EPHA10: variants seen among roughly 807,000 people sequenced by gnomAD.
EPHA10 encodes ephrin type-A receptor 10.
A neutral mutation model predicts 109.7 loss-of-function variants in EPHA10; 120 were observed. That is an observed-to-expected ratio of 1.09 (90% CI 0.94 to 1.27). The LOEUF is 1.27. Ranked by LOEUF, EPHA10 falls within the 50% of genes most tolerant of loss-of-function variation. The pLI is 0.00. For synonymous variants in EPHA10, 640 were observed against 618.9 expected (o/e 1.03, Z -0.51); for missense variants, 1,396 against 1,411.1 (o/e 0.99, Z 0.17).
At chr1:37,751,242 G>GAA (rs34839037) in intron 5 of EPHA10, among the ~76,000 whole-genome samples, 51 of 124,248 alleles carry the variant, frequency 4.1e-4, no homozygotes, top group South Asian at 1.1e-3. Context: ...AAAAGAAAAA[G>GAA]AAAAAAAAAA....
At chr1:37,721,287 G>A (rs1645791478) in intron 11 of EPHA10, among the ~76,000 whole-genome samples, 1 of 151,236 alleles carries the variant, frequency 6.6e-6, no homozygotes, top group Non-Finnish European at 1.5e-5. Flanking sequence ...AATTAGCCGG[G>A]CCTGGTGGCA....
intron 3 of EPHA10, 156 bp downstream of exon 3, chr1:37,761,249 T>G: frequency 6.7e-7 from 1 of 1,501,984 alleles, no homozygotes; most frequent in Non-Finnish European, 8.8e-7. Context: ...CACTGGAAAC[T>G]CCACAAGACT....
chr1:37,721,798 GGCGACCGGGGAGCTGCAA>G lies in EPHA10; in HGVS notation c.1990_2007del (p.Leu664_Arg669del), dbSNP rs746836361. 59 of 1,609,478 alleles carry G rather than the reference GGCGACCGGGGAGCTGCAA, an allele frequency of 3.7e-5. No individual in the cohort carries two copies. The highest frequency in any genetic ancestry group is 4.2e-6 in the Non-Finnish European group (5 of 1,178,196). On this transcript the variant is annotated inframe_deletion, in exon 11 of 17. Coordinates refer to ENST00000373048, the MANE Select transcript of EPHA10 (RefSeq NM_001099439.2). ...ATATGCACGGCTACGAGCAGCTCCT[GGCGACCGGGGAGCTGCAA>G]GCAGCCACAGCACAGCTCCCCAAAC...
At chr1:37,750,740 T>C (rs1204482337) in intron 5 of EPHA10, among the ~76,000 whole-genome samples, 1 of 152,050 alleles carries the variant, frequency 6.6e-6, no homozygotes, top group Non-Finnish European at 1.5e-5. Context: ...TCACCATGCC[T>C]GGCTAATTTT....
At position 37,761,613 on chromosome 1, in the gene EPHA10, G is replaced by A; in HGVS notation, c.642C>T (p.Thr214=). Residue 214 remains threonine (T), a synonymous_variant, in exon 3 of 17, where the codon ACC becomes ACT. Transcript: ENST00000373048. ...CTGGGAACGTGGCCAGGCCCCGCAC[G>A]GTGGCGCGGCACTGCTTGTAGTAGA... ...VRVYYKQCRA[T]VRGLATFPAT... 6.2e-7 allele frequency: 1 copy of A among 1,603,240 alleles called. No homozygotes were observed. Among genetic ancestry groups the A allele is most frequent in the African/African-American group, 1.3e-5 (1 of 75,024 alleles).
chr1:37,753,335 G>C, intron 4 of EPHA10, 109 bp from the exon 5 acceptor site: 1 of 733,742 alleles, frequency 1.4e-6, no homozygotes, highest in South Asian at 5.3e-5. Flanking sequence ...TGAGGCAGGA[G>C]AAGCAGGGGC....
In EPHA10 at chr1:37,716,641, C is replaced by G; in HGVS notation, c.*1731G>C. 1 of 232,696 alleles carries G rather than the reference C, an allele frequency of 4.3e-6. No individual in the cohort carries two copies. The allele number at this position is 232,696 out of a possible 1,614,324, so 14.4% of individuals were successfully genotyped here. On this transcript the variant is annotated 3_prime_UTR_variant, in exon 17 of 17. Transcript: ENST00000373048. ...ACCTCTGTGAGTCACTGTCCCCCAC[C>G]TCTGGGTGCTCTGCAAAGAGGCACT...
At chr1:37,749,966 C>G (rs945806712) in intron 5 of EPHA10, among the ~76,000 whole-genome samples, 1 of 152,186 alleles carries the variant, frequency 6.6e-6, no homozygotes, top group Non-Finnish European at 1.5e-5. Context: ...TATAATCTTA[C>G]AGGATCACCA....
rs975717143 is a variant in EPHA10 at position 37,725,053 on chromosome 1, G to C, written c.1773-1681C>G. 3.3e-5 allele frequency among the ~76,000 whole-genome samples: 5 copies of C among 152,182 alleles called. 1 individual carries two copies. The highest frequency in any genetic ancestry group is 9.7e-5 in the African/African-American group (4 of 41,438). On this transcript the variant is annotated intron_variant, in intron 8 of 16. Transcript: ENST00000373048. The stretch of plus-strand genomic sequence containing the variant: ...GGAGGATCACCTCCTCTAGAGAAAA[G>C]GGGGTGAGGATGGGTGCAGAAGCAG...
Position 37,762,028 on chromosome 1 carries a change from A to G in EPHA10, c.227T>C (p.Val76Ala), listed in dbSNP as rs1646437737. 1.2e-6 allele frequency: 2 copies of G among 1,613,116 alleles called. No homozygotes were observed. The highest frequency in any genetic ancestry group is 2.7e-5 in the African/African-American group (2 of 74,922). The change falls in exon 3 of 17, where the codon GTG (valine) becomes GCG (alanine). Residue 76 changes from valine (V) to alanine (A), a missense_variant. Transcript: ENST00000373048. ...CTGGTTGGGCTCCAGCACATTGCAC[A>G]CTTGGTACGTGCGGATGGGACGGTC... The part of the protein sequence containing the change: ...EHDRPIRTYQ[V>A]CNVLEPNQDN...
intron 3 of EPHA10, chr1:37,761,204 A>G (rs2148370650): frequency 2.0e-6 from 3 of 1,476,292 alleles, no homozygotes; most frequent in East Asian, 2.4e-5. Context: ...AGTCAATTTC[A>G]TCTAGTAAGT....
intron 8 of EPHA10, among the ~76,000 whole-genome samples, chr1:37,725,542 G>T (rs572558221): frequency 4.2e-4 from 64 of 150,728 alleles, no homozygotes; most frequent in Middle Eastern, 7.0e-3. Flanking sequence ...AAGTAACGAG[G>T]TGAAGCATTC....
intron 5 of EPHA10, among the ~76,000 whole-genome samples, chr1:37,744,663 G>GC (rs1553138897): frequency 3.4e-5 from 5 of 147,200 alleles, no homozygotes; most frequent in Non-Finnish European, 7.5e-5. Context: ...CCATCTTGGG[G>GC]AAAAAAAAAA....
At chr1:37,746,841 A>G (rs139809249) in intron 5 of EPHA10, among the ~76,000 whole-genome samples, 33 of 152,350 alleles carry the variant, frequency 2.2e-4, no homozygotes, top group Non-Finnish European at 3.5e-4. Flanking sequence ...TGAAGCCATT[A>G]TGCTAAGTGA....
Position 37,762,767 on chromosome 1 carries a change from G to C in EPHA10, c.171+18C>G. ...ACCAGAGGATCCCTGGGACAGGGAG[G>C]GACACTTGTGCACTTACCCCATTAC... On this transcript the variant is annotated intron_variant, in intron 2 of 16. Transcript: ENST00000373048. 6.5e-7 allele frequency: 1 copy of C among 1,544,718 alleles called. No homozygotes were observed. The highest frequency in any genetic ancestry group is 8.7e-7 in the Non-Finnish European group (1 of 1,143,476).
intron 3 of EPHA10, chr1:37,760,391 C>T: frequency 9.5e-7 from 1 of 1,055,378 alleles, no homozygotes; most frequent in Non-Finnish European, 1.1e-6. Context: ...TCCTAATGCC[C>T]CCACTAGCCT....
chr1:37,718,734 G>A lies in EPHA10; in HGVS notation c.2839C>T (p.Leu947=), dbSNP rs202242878. 9 of 1,613,182 alleles carry A rather than the reference G, an allele frequency of 5.6e-6. No homozygotes were observed. Among genetic ancestry groups the A allele is most frequent in the Middle Eastern group, 1.7e-4 (1 of 5,972 alleles). ...GCGAAGCTGTCCTTGTAGCGGCACA[G>A]GTCCAGGGCCTCCAGCCACGCGCCC... The part of the protein sequence containing the change: ...SVGAWLEALD[L]CRYKDSFAAA... Residue 947 remains leucine, a synonymous_variant, in exon 16 of 17, where the codon CTG becomes TTG. Coordinates refer to ENST00000373048, the MANE Select transcript of EPHA10 (RefSeq NM_001099439.2).
Position 37,761,510 on chromosome 1 carries a change from C to G in EPHA10, c.745G>C (p.Gly249Arg). ...TCVAHSEGEP[G>R]SPPRMHCGAD... ...CCGCAGTGCATGCGTGGGGGGCTGCCAGGCTCCCCTTCCGAGTGCGCCACG... is the reference window on the plus strand; with the variant it reads ...CCGCAGTGCATGCGTGGGGGGCTGCGAGGCTCCCCTTCCGAGTGCGCCACG... Residue 249 changes from glycine to arginine, a missense_variant, in exon 3 of 17, where the codon GGC becomes CGC. Physicochemically the swap from Gly to Arg is moderately radical, Grantham distance 125. Coordinates refer to ENST00000373048, the MANE Select transcript of EPHA10 (RefSeq NM_001099439.2). The G allele has an allele frequency of 6.3e-7, 1 of 1,599,586 alleles. No homozygotes were observed. Among genetic ancestry groups the G allele is most frequent in the Non-Finnish European group, 8.5e-7 (1 of 1,178,322 alleles).
intron 1 of EPHA10, 78 bp from the exon 2 acceptor site, chr1:37,762,927 C>A: frequency 1.5e-6 from 2 of 1,369,614 alleles, no homozygotes; most frequent in South Asian, 1.4e-5. Flanking sequence ...TTGGTGAAGT[C>A]CCTGTAAATT....
Sources: gnomAD v4.1 joint callset for allele counts (sites outside exome capture counted in the v4.1 genomes callset) on GRCh38, gnomAD v4.1.1 for gene constraint, MANE v1.5 for transcripts, NCBI Gene and HGNC (gene_info 2026-07-23, HGNC 2026-07-21) for gene names.